FAM131C: variants seen among roughly 807,000 people sequenced by gnomAD.
FAM131C encodes the protein family with sequence similarity 131 member C.
FAM131C carries 14 observed loss-of-function variants against 29.8 expected under a neutral mutation model. The observed-to-expected ratio is 0.47, with a 90% CI of 0.31 to 0.73. FAM131C has a LOEUF of 0.73. Among genes scored for constraint, FAM131C ranks in the 30% least tolerant of loss-of-function variants. The pLI, the probability that FAM131C is intolerant of heterozygous loss-of-function variation, is 0.05. For missense variants in FAM131C, 252 were observed against 383.8 expected, an observed-to-expected ratio of 0.66 and a Z score of 2.87; for synonymous variants, 86 against 157.8, an observed-to-expected ratio of 0.54 and a Z score of 3.41.
rs867668277 is a variant in FAM131C at position 16,060,333 on chromosome 1, C to T, written c.269-282G>A. ...ATCCACATTTCCTCCCAGCATCCTA[C>T]TCCCAGTCCATGTTCCCGCCCACTG... On this transcript the variant is annotated intron_variant, in intron 4 of 6. Coordinates refer to ENST00000375662, the MANE Select transcript of FAM131C (RefSeq NM_182623.3). Among the ~76,000 whole-genome samples, 2 of 124,184 alleles carry T rather than the reference C, an allele frequency of 1.6e-5. 1 individual carries two copies. Among genetic ancestry groups the T allele is most frequent in the Non-Finnish European group, 3.7e-5 (2 of 53,578 alleles). The allele number at this position is 124,184 out of a possible 152,430, so 81.5% of individuals were successfully genotyped here.
intron 1 of FAM131C, among the ~76,000 whole-genome samples, chr1:16,069,835 C>T (rs372558193): frequency 6.6e-6 from 1 of 152,168 alleles, no homozygotes; most frequent in Non-Finnish European, 1.5e-5. Context: ...AATCACAGCT[C>T]ACTGCAGCTT....
chr1:16,070,160 C>T (rs2023734151), intron 1 of FAM131C, among the ~76,000 whole-genome samples: 1 of 152,212 alleles, frequency 6.6e-6, no homozygotes, highest in Admixed American at 6.5e-5. Context: ...CATGCCCTGG[C>T]CATGTGACCT....
rs930021189 is a variant in FAM131C at position 16,073,421 on chromosome 1, C to G, written c.22G>C (p.Asp8His). The change falls in exon 1 of 7, where the codon GAC (aspartate) becomes CAC (histidine). Residue 8 changes from aspartate to histidine, a missense_variant and splice_region_variant. Transcript: ENST00000375662. ...CCCGCCCCCGGCCGGGCCCCCTCAC[C>G]TCGCGACACGCAGGAGCCCATCACG... MGSCVSR[D>H]LFTSAHKNCP... 2 of 1,212,790 alleles carry G rather than the reference C, an allele frequency of 1.6e-6. No individual in the cohort carries two copies. The highest frequency in any genetic ancestry group is 3.1e-5 in the African/African-American group (2 of 63,584). The allele number at this position is 1,212,790 out of a possible 1,614,324, so 75.1% of individuals were successfully genotyped here.
intron 1 of FAM131C, among the ~76,000 whole-genome samples, chr1:16,064,924 T>C (rs2023660544): frequency 6.6e-6 from 1 of 152,224 alleles, no homozygotes; most frequent in Admixed American, 6.5e-5. Flanking sequence ...CTCGCTCTTA[T>C]CCTGGCCTCT....
At chr1:16,069,692 G>C (rs1382011668) in intron 1 of FAM131C, among the ~76,000 whole-genome samples, 2 of 152,218 alleles carry the variant, frequency 1.3e-5, no homozygotes, top group African/African-American at 4.8e-5. Context: ...GCCATTGGTT[G>C]CAGAGCCCCC....
At chr1:16,065,908 T>C (rs985777790) in intron 1 of FAM131C, among the ~76,000 whole-genome samples, 1 of 151,136 alleles carries the variant, frequency 6.6e-6, no homozygotes, top group Admixed American at 6.6e-5. Context: ...TTTCTTTTCT[T>C]TTTTTTTTGG....
At chr1:16,061,002 G>T (rs1466575991) in intron 4 of FAM131C, among the ~76,000 whole-genome samples, 1 of 152,168 alleles carries the variant, frequency 6.6e-6, no homozygotes, top group Non-Finnish European at 1.5e-5. Flanking sequence ...GGAAGATGGA[G>T]AGGGGGCTGC....
intron 6 of FAM131C, 145 bp from the exon 7 acceptor site, chr1:16,058,862 C>T: frequency 7.5e-7 from 1 of 1,327,518 alleles, no homozygotes; most frequent in Non-Finnish European, 1.0e-6. Flanking sequence ...TTGGTCAAGT[C>T]ACCAAAACTC....
chr1:16,071,591 C>A (rs2023750239), intron 1 of FAM131C, among the ~76,000 whole-genome samples: 1 of 152,166 alleles, frequency 6.6e-6, no homozygotes, highest in African/African-American at 2.4e-5. Flanking sequence ...TTCCTGGATG[C>A]ATGTTGAGAC....
At chr1:16,065,144 G>A (rs1192968432) in intron 1 of FAM131C, among the ~76,000 whole-genome samples, 1 of 152,100 alleles carries the variant, frequency 6.6e-6, no homozygotes, top group Non-Finnish European at 1.5e-5. Flanking sequence ...CTCTCCACAT[G>A]GATGCCCAAG....
chr1:16,068,611 C>A (rs2023711958), intron 1 of FAM131C, among the ~76,000 whole-genome samples: 1 of 152,238 alleles, frequency 6.6e-6, no homozygotes, highest in Non-Finnish European at 1.5e-5. Context: ...GACTGAGTGT[C>A]CCCTCCTCCC....
At chr1:16,058,992 G>A (rs569786819) in intron 6 of FAM131C, among the ~76,000 whole-genome samples, 380 of 151,976 alleles carry the variant, frequency 2.5e-3, no homozygotes, top group African/African-American at 8.3e-3. Context: ...TCCCCTCCCC[G>A]TCCCTCTTGG....
chr1:16,063,708 C>A, intron 1 of FAM131C, 72 bp from the exon 2 acceptor site: 2 of 1,050,374 alleles, frequency 1.9e-6, no homozygotes, highest in African/African-American at 1.6e-5. Context: ...TGTTCAAGGC[C>A]CCCCCGTAAG....
At chr1:16,063,418 G>T in intron 2 of FAM131C, 103 bp downstream of exon 2, 1 of 903,090 alleles carries the variant, frequency 1.1e-6, no homozygotes, top group Non-Finnish European at 1.8e-6. Context: ...AAGCGGGTTT[G>T]GCAGGGAAGG....
Position 16,073,507 on chromosome 1 carries a change from C to T in FAM131C, c.-65G>A, listed in dbSNP as rs996109281. 18 of 1,054,578 alleles carry T rather than the reference C, an allele frequency of 1.7e-5. No individual in the cohort carries two copies. The African/African-American group carries it at 2.7e-4, about 16-fold the overall frequency. The allele number at this position is 1,054,578 out of a possible 1,614,324, so 65.3% of individuals were successfully genotyped here. ...TGGGGCCGCGGGGCGTTCATGTCTCCGCGGGCCCGGGGCTGAGCGCTGCGG... is the reference window on the plus strand; with the variant it reads ...TGGGGCCGCGGGGCGTTCATGTCTCTGCGGGCCCGGGGCTGAGCGCTGCGG... On this transcript the variant is annotated 5_prime_UTR_variant, in exon 1 of 7. Transcript: ENST00000375662.
chr1:16,064,468 C>A (rs565839767), intron 1 of FAM131C, among the ~76,000 whole-genome samples: 5 of 152,292 alleles, frequency 3.3e-5, no homozygotes, highest in South Asian at 2.1e-4. Context: ...TGCCCTCCCC[C>A]CAGAGGCTCT....
At chr1:16,059,679 G>C in intron 5 of FAM131C, 75 bp from the exon 6 acceptor site, 7 of 1,392,180 alleles carry the variant, frequency 5.0e-6, no homozygotes, top group Non-Finnish European at 6.8e-6. Flanking sequence ...GCTGCTCCAG[G>C]ACAGGCGGGA....
chr1:16,058,959 A>C (rs945407), intron 6 of FAM131C, among the ~76,000 whole-genome samples: 3 of 148,502 alleles, frequency 2.0e-5, no homozygotes, highest in African/African-American at 7.3e-5. Context: ...AACTGGGACA[A>C]CCAGTGCTCC....
chr1:16,064,616 T>C (rs1160545220), intron 1 of FAM131C, among the ~76,000 whole-genome samples: 1 of 152,184 alleles, frequency 6.6e-6, no homozygotes, highest in African/African-American at 2.4e-5. Context: ...CCTTTACCAC[T>C]GGGTGGGGCC....
Sources: gnomAD v4.1 joint callset for allele counts (sites outside exome capture counted in the v4.1 genomes callset) on GRCh38, gnomAD v4.1.1 for gene constraint, MANE v1.5 for transcripts, NCBI Gene and HGNC (gene_info 2026-07-23, HGNC 2026-07-21) for gene names.